IL1RAPL1: variants seen among roughly 807,000 people sequenced by gnomAD.
IL1RAPL1 encodes the protein interleukin 1 receptor accessory protein like 1, also known as interleukin-1 receptor accessory protein-like 1.
Under a neutral mutation model 48.4 loss-of-function variants are expected in IL1RAPL1, and 3 were observed. The ratio of observed to expected loss-of-function variants is 0.06; its 90% CI spans 0.03 to 0.16. IL1RAPL1 has a LOEUF of 0.16. Ranked by LOEUF, IL1RAPL1 falls within the 10% of genes least tolerant of loss-of-function variation. IL1RAPL1 has a pLI of 1.00. For synonymous variants in IL1RAPL1, 185 were observed against 187.7 expected (o/e 0.99, Z 0.12); for missense variants, 349 against 530.6 (o/e 0.66, Z 3.36).
intron 2 of IL1RAPL1, among the ~76,000 whole-genome samples, chrX:28,850,437 G>C (rs6526815): frequency 0.39 from 42,930 of 109,356 alleles, 6,262 homozygotes; most frequent in East Asian, 0.55. Context: ...CGGGCCCATT[G>C]CTGAGGGATG....
At chrX:29,183,116 T>C (rs965631743) in intron 2 of IL1RAPL1, among the ~76,000 whole-genome samples, 4 of 111,805 alleles carry the variant, frequency 3.6e-5, no homozygotes, top group African/African-American at 1.3e-4. Flanking sequence ...GGTTACTTGT[T>C]TACAGCAGCA....
chrX:28,728,214 G>T (rs1042986026), intron 1 of IL1RAPL1, among the ~76,000 whole-genome samples: 11 of 111,781 alleles, frequency 9.8e-5, no homozygotes, highest in Non-Finnish European at 2.1e-4. Context: ...ACTATACTAT[G>T]TATAAATGTC....
intron 1 of IL1RAPL1, among the ~76,000 whole-genome samples, chrX:28,605,749 A>C (rs1934076784): frequency 9.0e-6 from 1 of 111,646 alleles, no homozygotes; most frequent in African/African-American, 3.3e-5. Context: ...CGCCTACATT[A>C]CTTCCTTGAT....
chrX:28,903,035 TG>T (rs946166222), intron 2 of IL1RAPL1, among the ~76,000 whole-genome samples: 7 of 112,250 alleles, frequency 6.2e-5, no homozygotes, highest in African/African-American at 2.3e-4. Flanking sequence ...TGAGGGCCAC[TG>T]GCTTAACCTT....
At chrX:29,547,352 A>G (rs952403953) in intron 5 of IL1RAPL1, among the ~76,000 whole-genome samples, 4 of 111,238 alleles carry the variant, frequency 3.6e-5, no homozygotes, top group Non-Finnish European at 7.5e-5. Context: ...AAGTCTTACT[A>G]TGTTTGGGAG....
intron 3 of IL1RAPL1, among the ~76,000 whole-genome samples, chrX:29,374,581 A>G (rs1019022489): frequency 1.8e-5 from 2 of 109,829 alleles, no homozygotes; most frequent in African/African-American, 6.6e-5. Context: ...CATTTGTCGA[A>G]TGAATGAAGG....
intron 5 of IL1RAPL1, among the ~76,000 whole-genome samples, chrX:29,455,558 G>A (rs1181043140): frequency 6.3e-5 from 7 of 111,656 alleles, no homozygotes; most frequent in Non-Finnish European, 1.3e-4. Context: ...AAATAAGCTT[G>A]AAAGTTCTAT....
chrX:29,931,171 G>C (rs1157904624), intron 8 of IL1RAPL1, among the ~76,000 whole-genome samples: 1 of 107,557 alleles, frequency 9.3e-6, no homozygotes, highest in African/African-American at 3.6e-5. Flanking sequence ...GGGGAGGGGG[G>C]ATTTTTTTTT....
chrX:28,848,842 C>T (rs1460770981), intron 2 of IL1RAPL1, among the ~76,000 whole-genome samples: 1 of 111,724 alleles, frequency 9.0e-6, no homozygotes, highest in African/African-American at 3.3e-5. Flanking sequence ...CTGACACAAG[C>T]CTGCTATTAA....
intron 1 of IL1RAPL1, among the ~76,000 whole-genome samples, chrX:28,664,443 A>C (rs1934853935): frequency 8.9e-6 from 1 of 112,132 alleles, no homozygotes; most frequent in Non-Finnish European, 1.9e-5. Context: ...AAATATCTGC[A>C]GGGGGCTATT....
intron 5 of IL1RAPL1, among the ~76,000 whole-genome samples, chrX:29,667,945 T>C (rs893546258): frequency 9.0e-6 from 1 of 111,586 alleles, no homozygotes; most frequent in African/African-American, 3.3e-5. Context: ...CTTAATGTAA[T>C]AACTAAATGG....
chrX:28,978,565 T>A (rs1486884034), intron 2 of IL1RAPL1, among the ~76,000 whole-genome samples: 9 of 112,122 alleles, frequency 8.0e-5, no homozygotes, highest in Non-Finnish European at 1.9e-5. Context: ...GCTTTAGTAC[T>A]TTTTAAAGAT....
At chrX:29,070,285 C>T (rs1483519044) in intron 2 of IL1RAPL1, among the ~76,000 whole-genome samples, 3 of 111,666 alleles carry the variant, frequency 2.7e-5, no homozygotes, top group East Asian at 2.8e-4. Flanking sequence ...AGATTCTATT[C>T]GCTAGCTTAT....
At chrX:29,114,754 C>T (rs929148981) in intron 2 of IL1RAPL1, among the ~76,000 whole-genome samples, 1 of 110,271 alleles carries the variant, frequency 9.1e-6, no homozygotes, top group African/African-American at 3.3e-5. Flanking sequence ...CTCAGCCGCC[C>T]GAGTAGCTGG....
At chrX:28,771,937 C>CAAAAAAAAAAA (rs5901904) in intron 1 of IL1RAPL1, among the ~76,000 whole-genome samples, 1 of 42,008 alleles carries the variant, frequency 2.4e-5, no homozygotes, top group Non-Finnish European at 4.2e-5. Context: ...GACTCCGTCT[C>CAAAAAAAAAAA]AAAAAAAAAA....
At chrX:29,479,684 C>G (rs758067562) in intron 5 of IL1RAPL1, among the ~76,000 whole-genome samples, 5 of 109,484 alleles carry the variant, frequency 4.6e-5, no homozygotes, top group African/African-American at 1.7e-4. Flanking sequence ...ACGTTCCCCC[C>G]CAGTCCCCAG....
chrX:29,377,860 T>G (rs1933643506), intron 3 of IL1RAPL1, among the ~76,000 whole-genome samples: 1 of 111,203 alleles, frequency 9.0e-6, no homozygotes, highest in African/African-American at 3.3e-5. Context: ...TTGTGTAGTA[T>G]CTAGCTGGAG....
chrX:29,550,253 G>A (rs1213385990), intron 5 of IL1RAPL1, among the ~76,000 whole-genome samples: 2 of 110,345 alleles, frequency 1.8e-5, no homozygotes, highest in Admixed American at 9.6e-5. Context: ...GTGCAGTGGC[G>A]GGATCTCGGC....
chrX:28,898,484 T>C (rs770553154), intron 2 of IL1RAPL1, among the ~76,000 whole-genome samples: 18 of 111,397 alleles, frequency 1.6e-4, no homozygotes, highest in Non-Finnish European at 2.8e-4. Context: ...ACTTCTTTTT[T>C]TCCCCCTTTT....
Sources: gnomAD v4.1 joint callset for allele counts (sites outside exome capture counted in the v4.1 genomes callset) on GRCh38, gnomAD v4.1.1 for gene constraint, MANE v1.5 for transcripts, NCBI Gene and HGNC (gene_info 2026-07-23, HGNC 2026-07-21) for gene names.